DIP2A: variants seen among roughly 807,000 people sequenced by gnomAD.
DIP2A encodes DIP2 acetate--CoA ligase A.
Under a neutral mutation model 177.4 loss-of-function variants are expected in DIP2A, and 85 were observed. The ratio of observed to expected loss-of-function variants is 0.48; its 90% CI spans 0.40 to 0.57. The LOEUF (loss-of-function observed/expected upper bound fraction) is 0.57. Ranked by LOEUF, DIP2A falls within the 20% of genes least tolerant of loss-of-function variation. The pLI is 0.00. For missense variants in DIP2A, 1,791 were observed against 2,100.2 expected, an observed-to-expected ratio of 0.85 and a Z score of 2.88; for synonymous variants, 886 against 881.8, an observed-to-expected ratio of 1.00 and a Z score of -0.08.
intron 1 of DIP2A, among the ~76,000 whole-genome samples, chr21:46,467,118 A>C (rs2054901096): frequency 6.6e-6 from 1 of 151,676 alleles, no homozygotes; most frequent in South Asian, 2.1e-4. Flanking sequence ...AACACAGCGA[A>C]ATCCTGTCTC....
intron 13 of DIP2A, among the ~76,000 whole-genome samples, chr21:46,535,928 A>G (rs2059550393): frequency 1.3e-5 from 2 of 152,280 alleles, no homozygotes; most frequent in South Asian, 4.2e-4. Context: ...TGGCAGCAAC[A>G]TGGTGACCTT....
chr21:46,509,125 T>G, intron 6 of DIP2A, 132 bp from the exon 7 acceptor site: 1 of 959,326 alleles, frequency 1.0e-6, no homozygotes, highest in Non-Finnish European at 1.4e-6. Flanking sequence ...AAAATGACTG[T>G]CCAGTGGGGC....
chr21:46,516,484 A>ATTTTTTTTTTT (rs779342846), intron 8 of DIP2A, among the ~76,000 whole-genome samples: 19 of 92,846 alleles, frequency 2.0e-4, no homozygotes, highest in South Asian at 3.2e-4. Context: ...GTCTTCTGAA[A>ATTTTTTTTTTT]TTTCTTTTTT....
chr21:46,536,472 G>A (rs1362387907), intron 13 of DIP2A, among the ~76,000 whole-genome samples: 3 of 152,252 alleles, frequency 2.0e-5, no homozygotes, highest in Non-Finnish European at 2.9e-5. Context: ...TTACAGAGGG[G>A]AGATGCCGGA....
rs545093064 is a variant in DIP2A, at chr21:46,542,039, C to T, written c.2176+144C>T. On this transcript the variant is annotated intron_variant, in intron 18 of 37. Coordinates refer to ENST00000417564, the MANE Select transcript of DIP2A (RefSeq NM_015151.4). Reference sequence around the variant, plus strand: ...TCTTGGCTCACTGCATCCTCCGCCTCCCAGGTTCAAGCGATTCTCCTGCCT... The same window carrying T: ...TCTTGGCTCACTGCATCCTCCGCCTTCCAGGTTCAAGCGATTCTCCTGCCT... 7 of 935,426 alleles carry T rather than the reference C, an allele frequency of 7.5e-6. No homozygotes were observed. The African/African-American group carries it at 9.8e-5, about 13-fold the overall frequency. 57.9% of individuals were successfully genotyped at this position (935,426 alleles called of 1,614,324 possible).
At chr21:46,531,155 G>A (rs1352115178) in intron 9 of DIP2A, among the ~76,000 whole-genome samples, 2 of 152,064 alleles carry the variant, frequency 1.3e-5, no homozygotes, top group African/African-American at 4.8e-5. Flanking sequence ...GGGCAGCAGA[G>A]CCACCATCAG....
Position 46,556,105 on chromosome 21 carries a change from A to T in DIP2A, c.3498+14A>T. The T allele has an allele frequency of 1.2e-6, 2 of 1,606,624 alleles. No individual in the cohort carries two copies. The highest frequency in any genetic ancestry group is 1.7e-6 in the Non-Finnish European group (2 of 1,173,266). ...GCGGGAGTGAAGGTAGGTCCTCTGAAATCTTGTTTGCTTCAGCCCCTAGAA... is the reference window on the plus strand; with the variant it reads ...GCGGGAGTGAAGGTAGGTCCTCTGATATCTTGTTTGCTTCAGCCCCTAGAA... On this transcript the variant is annotated intron_variant, in intron 29 of 37. Coordinates refer to ENST00000417564, the MANE Select transcript of DIP2A (RefSeq NM_015151.4). This position sits in a 1 kb window ranked among gnomAD's most constrained non-coding sequence, Gnocchi z 4.5.
intron 22 of DIP2A, 55 bp from the exon 23 acceptor site, chr21:46,550,488 C>T (rs2060231265): frequency 1.3e-6 from 2 of 1,542,018 alleles, no homozygotes; most frequent in African/African-American, 1.4e-5. Context: ...CCCCACCCAG[C>T]ATCTCCCCAG....
At position 46,563,956 on chromosome 21, in the gene DIP2A, GC is replaced by G; in HGVS notation, c.4164+25del. On this transcript the variant is annotated intron_variant, in intron 35 of 37. Coordinates refer to ENST00000417564, the MANE Select transcript of DIP2A (RefSeq NM_015151.4). This position sits in a 1 kb window ranked among gnomAD's most constrained non-coding sequence, Gnocchi z 4.3. ...AGGTGAGCAGGGGCCCATGGGAGGG[GC>G]TTGAGCTCTCCAGCCTCACCAGCTT... 1.9e-6 allele frequency: 3 copies of G among 1,607,794 alleles called. No homozygotes were observed. The highest frequency in any genetic ancestry group is 2.5e-6 in the Non-Finnish European group (3 of 1,177,698).
intron 8 of DIP2A, among the ~76,000 whole-genome samples, chr21:46,514,641 G>GTTTTTTTTTTTTTTTTTCT (rs1569013985): frequency 1.7e-5 from 1 of 59,528 alleles, no homozygotes. Context: ...TTTTTTTTTT[G>GTTTTTTTTTTTTTTTTTCT]GTTTTTTTTT....
At chr21:46,477,542 T>TC (rs1427520943) in intron 1 of DIP2A, among the ~76,000 whole-genome samples, 3 of 83,092 alleles carry the variant, frequency 3.6e-5, no homozygotes, top group East Asian at 3.5e-4. Context: ...AAAAAAAAGA[T>TC]TTGTGTGTGT....
intron 8 of DIP2A, among the ~76,000 whole-genome samples, chr21:46,526,786 C>G (rs535944180): frequency 1.3e-5 from 2 of 152,186 alleles, no homozygotes; most frequent in African/African-American, 2.4e-5. Context: ...ACAAAAGATT[C>G]ATAAGCTACA....
intron 3 of DIP2A, 61 bp from the exon 4 acceptor site, chr21:46,496,927 A>G: frequency 6.7e-7 from 1 of 1,483,948 alleles, no homozygotes. Context: ...CATGAAACTT[A>G]ATTTGTTACT....
downstream of DIP2A, among the ~76,000 whole-genome samples, chr21:46,573,398 G>T (rs983543450): frequency 6.6e-6 from 1 of 151,956 alleles, no homozygotes; most frequent in East Asian, 1.9e-4. Flanking sequence ...AGTGGCTCAT[G>T]TCTGTAATCC....
intron 6 of DIP2A, among the ~76,000 whole-genome samples, chr21:46,505,809 A>G (rs2057950268): frequency 6.6e-6 from 1 of 152,206 alleles, no homozygotes; most frequent in African/African-American, 2.4e-5. Flanking sequence ...AGAATTTTAT[A>G]TAAAAGGAAT....
intron 27 of DIP2A, 36 bp from the exon 28 acceptor site, chr21:46,554,786 G>GGGGGGGGGGGGGCCC: frequency 5.3e-6 from 8 of 1,519,016 alleles, no homozygotes; most frequent in Non-Finnish European, 7.1e-6. Context: ...AGCTTGAGAG[G>GGGGGGGGGGGGGCCC]CCCCGCCCAC....
Position 46,534,624 on chromosome 21 carries a change from G to A in DIP2A, c.1579G>A (p.Val527Met). 6.2e-7 allele frequency: 1 copy of A among 1,613,136 alleles called. No homozygotes were observed. Among genetic ancestry groups the A allele is most frequent in the African/African-American group, 1.3e-5 (1 of 75,012 alleles). Residue 527 changes from valine to methionine, a missense_variant, in exon 13 of 38, where the codon GTG (valine) becomes ATG (methionine). Physicochemically the swap from Val to Met is conservative, Grantham distance 21. Transcript: ENST00000417564. ...SKEGSTVGVT[V>M]SHASLLAQCR... ...AGAAGGCAGTACGGTGGGGGTCACA[G>A]TGTCCCACGCATCCCTGCTGGCACA... is the stretch of plus-strand genomic sequence containing the variant.
chr21:46,578,070 T>C, the DIP2A span, among the ~76,000 whole-genome samples: 6 of 152,124 alleles, frequency 3.9e-5, no homozygotes, highest in Non-Finnish European at 8.8e-5. Context: ...TCCCAGCACT[T>C]TAGGAGGCCG....
At chr21:46,503,629 TTTC>T (rs2057802610) in intron 5 of DIP2A, among the ~76,000 whole-genome samples, 1 of 117,800 alleles carries the variant, frequency 8.5e-6, no homozygotes, top group Non-Finnish European at 1.8e-5. Flanking sequence ...TCTTTCTTTC[TTTC>T]TTTCCTTTCT....
Sources: gnomAD v4.1 joint callset for allele counts (sites outside exome capture counted in the v4.1 genomes callset) on GRCh38, gnomAD v4.1.1 for gene constraint, Gnocchi (gnomAD v3.1) non-coding constraint, MANE v1.5 for transcripts, NCBI Gene and HGNC (gene_info 2026-07-23, HGNC 2026-07-21) for gene names.